Variants in RABGAP1L observed in about 807,000 individuals in gnomAD.
RABGAP1L encodes rab GTPase-activating protein 1-like.
A neutral mutation model predicts 137.7 loss-of-function variants in RABGAP1L; 63 were observed. The ratio of observed to expected loss-of-function variants is 0.46; its 90% CI spans 0.37 to 0.56. The LOEUF (loss-of-function observed/expected upper bound fraction) is 0.56, where lower values mean the gene tolerates loss of function less well. Among genes scored for constraint, RABGAP1L ranks in the 20% least tolerant of loss-of-function variants. The pLI, the probability that RABGAP1L is intolerant of heterozygous loss-of-function variation, is 0.00. For synonymous variants in RABGAP1L, 431 were observed against 433.7 expected (o/e 0.99, Z 0.08); for missense variants, 1,095 against 1,244.0 (o/e 0.88, Z 1.80).
At chr1:174,416,734 C>A (rs148059832) in intron 13 of RABGAP1L, among the ~76,000 whole-genome samples, 2 of 152,158 alleles carry the variant, frequency 1.3e-5, no homozygotes, top group Admixed American at 1.3e-4. Context: ...TGTTGACTTA[C>A]TAGTTTATTT....
chr1:174,782,956 C>T (rs1166365072), intron 18 of RABGAP1L, among the ~76,000 whole-genome samples: 4 of 152,276 alleles, frequency 2.6e-5, no homozygotes, highest in African/African-American at 7.2e-5. Flanking sequence ...TCGGGCAACC[C>T]CCTTTGGGTC....
At chr1:174,747,127 G>A (rs1314664320) in intron 17 of RABGAP1L, among the ~76,000 whole-genome samples, 2 of 152,134 alleles carry the variant, frequency 1.3e-5, no homozygotes, top group African/African-American at 4.8e-5. Flanking sequence ...TCAAGGCTGA[G>A]TGTATTGTCT....
chr1:174,405,760 T>G (rs1649184886), intron 13 of RABGAP1L, among the ~76,000 whole-genome samples: 1 of 152,072 alleles, frequency 6.6e-6, no homozygotes, highest in African/African-American at 2.4e-5. Flanking sequence ...GGCTGATTGC[T>G]TGAGCCTAGG....
At chr1:174,679,366 A>T (rs1324391842) in intron 14 of RABGAP1L, among the ~76,000 whole-genome samples, 1 of 152,198 alleles carries the variant, frequency 6.6e-6, no homozygotes, top group East Asian at 1.9e-4. Flanking sequence ...GGCATTTTAT[A>T]AATTCAGTAC....
intron 13 of RABGAP1L, among the ~76,000 whole-genome samples, chr1:174,579,795 C>T (rs902899990): frequency 6.6e-6 from 1 of 152,194 alleles, no homozygotes; most frequent in Admixed American, 6.5e-5. Flanking sequence ...TGGAATCTCA[C>T]TCTGTTGCCC....
At chr1:174,882,514 T>G (rs867908350) in intron 19 of RABGAP1L, among the ~76,000 whole-genome samples, 2 of 152,336 alleles carry the variant, frequency 1.3e-5, no homozygotes, top group Middle Eastern at 6.8e-3. Flanking sequence ...ATGAAGGGGA[T>G]TTTTCTGTTT....
chr1:174,322,645 A>G (rs915567382), intron 11 of RABGAP1L, among the ~76,000 whole-genome samples: 1 of 152,172 alleles, frequency 6.6e-6, no homozygotes, highest in Admixed American at 6.6e-5. Flanking sequence ...ATACAGTATT[A>G]CTTACACAGT....
In RABGAP1L at chr1:174,456,954, AT is replaced by A. The variant is rs1303590894; in HGVS notation, c.1710+62812del. 2.0e-5 allele frequency among the ~76,000 whole-genome samples: 3 copies of A among 152,184 alleles called. No homozygotes were observed. The South Asian group carries it at 6.2e-4, about 32-fold the overall frequency. Reference sequence around the variant, plus strand: ...AAATCTATAAATTAGGTCAATAAATATTTATTGACTATGCTATGTTAAGGGC... The same window carrying A: ...AAATCTATAAATTAGGTCAATAAATATTATTGACTATGCTATGTTAAGGGC... On this transcript the variant is annotated intron_variant, in intron 13 of 25. Coordinates refer to ENST00000681986, the MANE Select transcript of RABGAP1L (RefSeq NM_001366446.1).
chr1:174,472,865 A>G (rs1281289782), intron 13 of RABGAP1L, among the ~76,000 whole-genome samples: 1 of 152,190 alleles, frequency 6.6e-6, no homozygotes, highest in Non-Finnish European at 1.5e-5. Context: ...TCAAGTTTCC[A>G]GTTGCCAGCA....
intron 20 of RABGAP1L, chr1:174,964,893 T>C (rs1669478554): frequency 6.8e-7 from 1 of 1,465,046 alleles, no homozygotes; most frequent in African/African-American, 1.4e-5. Flanking sequence ...ATAAATATTT[T>C]AGTAGGTGTT....
At chr1:174,974,437 CTTTT>C (rs962998668) in intron 21 of RABGAP1L, among the ~76,000 whole-genome samples, 1 of 152,090 alleles carries the variant, frequency 6.6e-6, no homozygotes, top group Non-Finnish European at 1.5e-5. Context: ...TTATTTTTCT[CTTTT>C]TGTTTTCTTT....
chr1:174,307,985 G>C, intron 11 of RABGAP1L, among the ~76,000 whole-genome samples: 2 of 151,902 alleles, frequency 1.3e-5, no homozygotes, highest in East Asian at 3.9e-4. Context: ...ACTTACTTTT[G>C]CTTTTTGGTA....
chr1:174,629,641 G>C (rs1189322477), intron 13 of RABGAP1L, among the ~76,000 whole-genome samples: 1 of 152,080 alleles, frequency 6.6e-6, no homozygotes, highest in African/African-American at 2.4e-5. Context: ...TCCTGCCTCA[G>C]CCTCCTGAGT....
At chr1:174,600,924 C>T (rs546129452) in intron 13 of RABGAP1L, among the ~76,000 whole-genome samples, 11 of 152,352 alleles carry the variant, frequency 7.2e-5, no homozygotes, top group Non-Finnish European at 1.0e-4. Flanking sequence ...ATTTCCCTTC[C>T]GCACTGCCCT....
chr1:174,676,071 G>T (rs1677601419), intron 14 of RABGAP1L, among the ~76,000 whole-genome samples: 1 of 152,052 alleles, frequency 6.6e-6, no homozygotes, highest in Non-Finnish European at 1.5e-5. Flanking sequence ...GTAATGGATG[G>T]CCTGGGAGTA....
chr1:174,673,999 A>G (rs944433781), intron 14 of RABGAP1L, among the ~76,000 whole-genome samples: 3 of 152,280 alleles, frequency 2.0e-5, no homozygotes, highest in African/African-American at 7.2e-5. Flanking sequence ...CTTTTACTGC[A>G]TATAAATTAT....
intron 17 of RABGAP1L, among the ~76,000 whole-genome samples, chr1:174,731,165 G>A (rs142510029): frequency 0.015 from 2,316 of 152,154 alleles, 65 homozygotes; most frequent in African/African-American, 0.05. Flanking sequence ...TAGAGAAGGG[G>A]TTTCACCATG....
At chr1:174,331,331 A>G (rs1681009905) in intron 11 of RABGAP1L, among the ~76,000 whole-genome samples, 1 of 152,216 alleles carries the variant, frequency 6.6e-6, no homozygotes, top group African/African-American at 2.4e-5. Flanking sequence ...GCAAACATAA[A>G]TGGATCTACA....
chr1:174,864,128 G>C (rs944330295), intron 19 of RABGAP1L, among the ~76,000 whole-genome samples: 2 of 152,208 alleles, frequency 1.3e-5, no homozygotes, highest in Non-Finnish European at 2.9e-5. Context: ...ACCTATACAT[G>C]ATGGTTTTAC....
Sources: allele counts gnomAD v4.1 joint callset (sites outside exome capture counted in the v4.1 genomes callset), GRCh38; gene constraint gnomAD v4.1.1; transcripts MANE v1.5; gene names NCBI Gene and HGNC (gene_info 2026-07-23, HGNC 2026-07-21).